The following LRCH1 variants were observed in gnomAD, a reference collection of about 807,000 sequenced individuals.
LRCH1 encodes the protein leucine rich repeats and calponin homology domain containing 1.
A neutral mutation model predicts 94.9 loss-of-function variants in LRCH1; 23 were observed. The ratio of observed to expected loss-of-function variants is 0.24; its 90% CI spans 0.17 to 0.34. The LOEUF is 0.34. LRCH1 is among the 10% of genes least tolerant of loss of function. LRCH1 has a pLI of 1.00. For missense variants in LRCH1, 790 were observed against 945.9 expected, an observed-to-expected ratio of 0.84 and a Z score of 2.16; for synonymous variants, 364 against 354.9, an observed-to-expected ratio of 1.03 and a Z score of -0.29.
intron 2 of LRCH1, among the ~76,000 whole-genome samples, chr13:46,652,226 G>A (rs1268394757): frequency 6.6e-6 from 1 of 152,140 alleles, no homozygotes; most frequent in East Asian, 1.9e-4. Flanking sequence ...ACAGGCGCCC[G>A]CCACCACGCC....
intron 1 of LRCH1, among the ~76,000 whole-genome samples, chr13:46,636,670 GA>G (rs2051094619): frequency 6.6e-6 from 1 of 152,064 alleles, no homozygotes; most frequent in African/African-American, 2.4e-5. Flanking sequence ...CCACTTGCTG[GA>G]TCTGACAGTC....
rs1226293044 is a variant in LRCH1 at position 46,728,925 on chromosome 13, C to A, written c.1948C>A (p.Leu650Met). Reference sequence around the variant, plus strand: ...CATGGATGGTGTCGTCCTCTGCCATCTGGTCAACCACATCCGCCCACGGTC... The same window carrying A: ...CATGGATGGTGTCGTCCTCTGCCATATGGTCAACCACATCCGCCCACGGTC... Reference protein sequence around the residue: ...ALMDGVVLCHLVNHIRPRSVA... With the variant: ...ALMDGVVLCHMVNHIRPRSVA... Residue 650 changes from leucine to methionine, a missense_variant, in exon 18 of 20, where the codon CTG becomes ATG. This residue lies in a region of LRCH1 where 460 missense variants were observed against 508.9 expected (regional missense o/e 0.90). Transcript: ENST00000389797. The A allele has an allele frequency of 4.3e-6, 7 of 1,613,698 alleles. No homozygotes were observed. Among genetic ancestry groups the A allele is most frequent in the Admixed American group, 1.7e-5 (1 of 59,964 alleles).
chr13:46,688,120 A>G (rs972798359), intron 6 of LRCH1, 141 bp downstream of exon 6: 44 of 757,616 alleles, frequency 5.8e-5, no homozygotes, highest in Middle Eastern at 2.5e-4. Context: ...ATTTGGTTTA[A>G]TCACCTAATT....
intron 1 of LRCH1, among the ~76,000 whole-genome samples, chr13:46,560,260 G>A (rs1375132546): frequency 6.6e-6 from 1 of 151,292 alleles, no homozygotes; most frequent in African/African-American, 2.4e-5. Flanking sequence ...TAATTTAAAT[G>A]GCAGAAATGC....
At chr13:46,628,404 G>T (rs1274470996) in intron 1 of LRCH1, among the ~76,000 whole-genome samples, 1 of 152,122 alleles carries the variant, frequency 6.6e-6, no homozygotes, top group African/African-American at 2.4e-5. Context: ...TTGGGAGGCT[G>T]AGGTGGGCAG....
At chr13:46,652,055 GT>G (rs71077910) in intron 2 of LRCH1, among the ~76,000 whole-genome samples, 2,743 of 55,840 alleles carry the variant, frequency 0.049, 349 homozygotes, top group Non-Finnish European at 0.065. Context: ...GCCTGCTGAT[GT>G]TTTTTTTTTT....
intron 1 of LRCH1, among the ~76,000 whole-genome samples, chr13:46,616,683 C>A (rs1325770026): frequency 6.6e-6 from 1 of 152,178 alleles, no homozygotes; most frequent in East Asian, 1.9e-4. Context: ...TTCTATGTGC[C>A]TTTTAGAGAC....
At chr13:46,731,510 T>C (rs959250422) in intron 18 of LRCH1, among the ~76,000 whole-genome samples, 27 of 152,218 alleles carry the variant, frequency 1.8e-4, no homozygotes, top group Admixed American at 5.2e-4. Context: ...GGATTACAGG[T>C]GTGAGCCACC....
In LRCH1 at chr13:46,744,089, T is replaced by C; in HGVS notation, c.*2241T>C. 1.0e-6 allele frequency: 1 copy of C among 985,426 alleles called. No homozygotes were observed. Among genetic ancestry groups the C allele is most frequent in the South Asian group, 4.7e-5 (1 of 21,278 alleles). The allele number at this position is 985,426 out of a possible 1,614,324, so 61.0% of individuals were successfully genotyped here. ...GTTCTGTCCATTGCCAACCCATTAA[T>C]TTCTAATCAGAATATTAAGCTTCTC... is the stretch of plus-strand genomic sequence containing the variant. On this transcript the variant is annotated 3_prime_UTR_variant, in exon 20 of 20. Coordinates refer to ENST00000389797, the MANE Select transcript of LRCH1 (RefSeq NM_001164211.2).
intron 8 of LRCH1, 27 bp downstream of exon 8, chr13:46,692,668 T>C: frequency 6.4e-7 from 1 of 1,558,614 alleles, no homozygotes; most frequent in Non-Finnish European, 8.8e-7. Context: ...GTGGAGAAAG[T>C]GCTTGTTTTT....
At chr13:46,635,654 GT>G (rs1472478212) in intron 1 of LRCH1, among the ~76,000 whole-genome samples, 3 of 151,834 alleles carry the variant, frequency 2.0e-5, no homozygotes, top group Admixed American at 6.6e-5. Context: ...TGTATTTTTA[GT>G]AGAGACGGGG....
In LRCH1 at chr13:46,585,553, A is replaced by C. The variant is rs1459148341; in HGVS notation, c.307+31850A>C. 5.1e-5 allele frequency among the ~76,000 whole-genome samples: 4 copies of C among 78,402 alleles called. No homozygotes were observed. In the East Asian group the frequency reaches 1.4e-3, roughly 28 times the overall value. The allele number at this position is 78,402 out of a possible 152,430, so 51.4% of individuals were successfully genotyped here. A position where few individuals can be genotyped will look rare whatever the true frequency, so the allele number is the denominator to read the frequency against. Reference sequence around the variant, plus strand: ...GGGCGACAGAGCGAGACTGCATCTCAAAAAAAAAAAAAAAAAAACAAAAAA... The same window carrying C: ...GGGCGACAGAGCGAGACTGCATCTCCAAAAAAAAAAAAAAAAAACAAAAAA... On this transcript the variant is annotated intron_variant, in intron 1 of 19. Coordinates refer to ENST00000389797, the MANE Select transcript of LRCH1 (RefSeq NM_001164211.2).
chr13:46,700,892 T>C (rs1320133082), intron 10 of LRCH1, among the ~76,000 whole-genome samples: 2 of 152,166 alleles, frequency 1.3e-5, no homozygotes, highest in African/African-American at 2.4e-5. Context: ...CATGAAAATC[T>C]TATGTGAGCT....
chr13:46,741,556 A>G lies in LRCH1; in HGVS notation c.2086-86A>G, dbSNP rs746195019. 5.7e-5 allele frequency: 89 copies of G among 1,560,670 alleles called. No homozygotes were observed. The Middle Eastern group carries it at 9.0e-4, about 16-fold the overall frequency. On this transcript the variant is annotated intron_variant, in intron 19 of 19. Coordinates refer to ENST00000389797, the MANE Select transcript of LRCH1 (RefSeq NM_001164211.2). ...TCCTGCCATTTGCTAGTAACCAAAA[A>G]TGTGTGCTTCTTTCTAGCTGTTCCT...
intron 1 of LRCH1, among the ~76,000 whole-genome samples, chr13:46,579,508 A>G (rs2050342262): frequency 6.6e-6 from 1 of 151,772 alleles, no homozygotes; most frequent in African/African-American, 2.4e-5. Flanking sequence ...GCTGGTGGCA[A>G]AAAAAGATTA....
chr13:46,578,699 G>T (rs2050331162), intron 1 of LRCH1, among the ~76,000 whole-genome samples: 1 of 152,184 alleles, frequency 6.6e-6, no homozygotes, highest in Non-Finnish European at 1.5e-5. Flanking sequence ...CAGTCCCTGA[G>T]AGCTGGTGCA....
chr13:46,636,241 T>G (rs1418967305), intron 1 of LRCH1, among the ~76,000 whole-genome samples: 1 of 151,762 alleles, frequency 6.6e-6, no homozygotes, highest in Non-Finnish European at 1.5e-5. Context: ...GCTAATATTT[T>G]TTTGTATTTT....
intron 1 of LRCH1, among the ~76,000 whole-genome samples, chr13:46,570,831 G>A (rs996577391): frequency 6.6e-6 from 1 of 152,170 alleles, no homozygotes; most frequent in African/African-American, 2.4e-5. Flanking sequence ...TTACTTGAGG[G>A]ATTCTACCTT....
chr13:46,582,508 G>A (rs1281655475), intron 1 of LRCH1, among the ~76,000 whole-genome samples: 14 of 144,466 alleles, frequency 9.7e-5, no homozygotes, highest in Non-Finnish European at 1.5e-4. Flanking sequence ...TTTTGACACA[G>A]GGTCTCATTC....
Sources: allele counts gnomAD v4.1 joint callset (sites outside exome capture counted in the v4.1 genomes callset), GRCh38; gene constraint gnomAD v4.1.1; regional missense constraint gnomAD v4.1.1; transcripts MANE v1.5; gene names NCBI Gene and HGNC (gene_info 2026-07-23, HGNC 2026-07-21).